Variants in TEAD4 observed in about 807,000 individuals in gnomAD.
TEAD4 encodes TEA domain transcription factor 4.
TEAD4 carries 36 observed loss-of-function variants against 52.4 expected under a neutral mutation model. The ratio of observed to expected loss-of-function variants is 0.69; its 90% CI spans 0.53 to 0.91. TEAD4 has a LOEUF of 0.91. Among genes scored for constraint, TEAD4 ranks in the 40% least tolerant of loss-of-function variants. TEAD4 has a pLI of 0.00. For synonymous variants in TEAD4, 220 were observed against 231.0 expected (o/e 0.95, Z 0.43); for missense variants, 508 against 583.9 (o/e 0.87, Z 1.34).
At chr12:2,974,066 G>T (rs1591556821) in intron 2 of TEAD4, among the ~76,000 whole-genome samples, 1 of 152,246 alleles carries the variant, frequency 6.6e-6, no homozygotes, top group East Asian at 1.9e-4. Flanking sequence ...GGAGTGTAGT[G>T]TCACGATCTT....
At position 2,984,226 on chromosome 12, in the gene TEAD4, A is replaced by G. The variant is rs545633566; in HGVS notation, c.-29-10512A>G. On this transcript the variant is annotated intron_variant, in intron 2 of 12. Transcript: ENST00000359864. ...GGATCAGCAGATGGAAGCGCTAGAAAATCCCATCATGGAGTGTGTAGTGTT... is the reference window on the plus strand; with the variant it reads ...GGATCAGCAGATGGAAGCGCTAGAAGATCCCATCATGGAGTGTGTAGTGTT... 1.1e-4 allele frequency among the ~76,000 whole-genome samples: 17 copies of G among 152,336 alleles called. 1 individual carries two copies. The South Asian group carries it at 3.3e-3, about 30-fold the overall frequency.
rs557297562 is a variant in TEAD4 at position 2,975,163 on chromosome 12, C to A, written c.-30+15123C>A. On this transcript the variant is annotated intron_variant, in intron 2 of 12. Transcript: ENST00000359864. Reference sequence around the variant, plus strand: ...AAGGCCCCGAGGAGAAAAAGTCTCTCAACCCTTAAAACAAACAAACAAAAA... The same window carrying A: ...AAGGCCCCGAGGAGAAAAAGTCTCTAAACCCTTAAAACAAACAAACAAAAA... Among the ~76,000 whole-genome samples the A allele has an allele frequency of 4.8e-4, 53 of 109,496 alleles. 2 individuals carry two copies. In the South Asian group the frequency reaches 0.017, roughly 36 times the overall value. The allele number at this position is 109,496 out of a possible 152,430, so 71.8% of individuals were successfully genotyped here.
chr12:3,008,650 A>T (rs2098257776), intron 3 of TEAD4, among the ~76,000 whole-genome samples: 1 of 152,090 alleles, frequency 6.6e-6, no homozygotes, highest in Non-Finnish European at 1.5e-5. Flanking sequence ...TGGCTGTATG[A>T]ATTCTGGATA....
At chr12:3,033,729 A>G (rs563710469) in intron 10 of TEAD4, among the ~76,000 whole-genome samples, 1 of 152,178 alleles carries the variant, frequency 6.6e-6, no homozygotes, top group Non-Finnish European at 1.5e-5. Flanking sequence ...ACGCACAGCT[A>G]TGAATAGGGC....
chr12:2,971,062 C>T (rs2098224571), intron 2 of TEAD4, among the ~76,000 whole-genome samples: 1 of 152,258 alleles, frequency 6.6e-6, no homozygotes, highest in South Asian at 2.1e-4. Flanking sequence ...ACAGCAGCCA[C>T]AGCACCCACG....
At chr12:3,000,682 G>A (rs2153955839) in intron 3 of TEAD4, among the ~76,000 whole-genome samples, 1 of 152,284 alleles carries the variant, frequency 6.6e-6, no homozygotes, top group South Asian at 2.1e-4. Context: ...AGGGGGTGGA[G>A]AGATTGTGAG....
rs781323637 is a variant in TEAD4, at chr12:3,021,874, C to T, written c.754C>T (p.Gln252Ter). 2 of 1,614,110 alleles carry T rather than the reference C, an allele frequency of 1.2e-6. No individual in the cohort carries two copies. Among genetic ancestry groups the T allele is most frequent in the Non-Finnish European group, 8.5e-7 (1 of 1,180,046 alleles). The stretch of plus-strand genomic sequence containing the variant: ...CAAGCACCTGTTCGTGCACATTGGC[C>T]AGTCCAGCCCAAGCTACAGCGACCC... The change falls in exon 10 of 13, where the codon CAG becomes TAG. Residue 252 changes from glutamine (Q) to a stop codon, truncating the protein, a stop_gained. Coordinates refer to ENST00000359864, the MANE Select transcript of TEAD4 (RefSeq NM_003213.4). LOFTEE classifies it high-confidence loss of function.
At chr12:3,011,252 C>G (rs553508126) in intron 4 of TEAD4, among the ~76,000 whole-genome samples, 184 bp downstream of exon 4, 2 of 151,772 alleles carry the variant, frequency 1.3e-5, no homozygotes, top group Non-Finnish European at 2.9e-5. Flanking sequence ...TTTTCTGAGA[C>G]GGGGTTTCAC....
At chr12:3,006,772 TC>T (rs1446373773) in intron 3 of TEAD4, among the ~76,000 whole-genome samples, 2 of 152,100 alleles carry the variant, frequency 1.3e-5, no homozygotes, top group Non-Finnish European at 2.9e-5. Flanking sequence ...ATGCCTGTAA[TC>T]CCAGCACTTT....
chr12:3,019,025 G>A, intron 7 of TEAD4, 90 bp from the exon 8 acceptor site: 2 of 1,504,022 alleles, frequency 1.3e-6, no homozygotes, highest in Non-Finnish European at 1.8e-6. Flanking sequence ...AGACCACCAG[G>A]ACCTACCACA....
chr12:2,971,940 A>C (rs766654107), intron 2 of TEAD4, among the ~76,000 whole-genome samples: 2 of 142,428 alleles, frequency 1.4e-5, no homozygotes, highest in East Asian at 2.1e-4. Flanking sequence ...AGCCTCCCAA[A>C]TAGTTGAGAT....
chr12:2,964,724 G>A (rs972588792), intron 2 of TEAD4, among the ~76,000 whole-genome samples: 1 of 151,338 alleles, frequency 6.6e-6, no homozygotes, highest in Admixed American at 6.6e-5. Flanking sequence ...CACCCGCCTC[G>A]GCCTCCCAGA....
At chr12:2,960,805 G>T (rs2098214640) in intron 2 of TEAD4, among the ~76,000 whole-genome samples, 1 of 152,184 alleles carries the variant, frequency 6.6e-6, no homozygotes, top group African/African-American at 2.4e-5. Flanking sequence ...GTTGGTTCTG[G>T]CTAGGACTGT....
intron 8 of TEAD4, among the ~76,000 whole-genome samples, chr12:3,020,355 G>T (rs543113972): frequency 6.7e-6 from 1 of 149,376 alleles, no homozygotes; most frequent in East Asian, 2.0e-4. Context: ...CAGGGCCCCA[G>T]CTGCCCTCCA....
intron 2 of TEAD4, among the ~76,000 whole-genome samples, chr12:2,989,051 A>C (rs891121887): frequency 6.6e-6 from 1 of 152,074 alleles, no homozygotes; most frequent in East Asian, 1.9e-4. Flanking sequence ...GGTTCTAGGA[A>C]CCCCACCTAT....
At chr12:3,031,716 C>T (rs1463867156) in intron 10 of TEAD4, among the ~76,000 whole-genome samples, 2 of 151,792 alleles carry the variant, frequency 1.3e-5, no homozygotes, top group African/African-American at 4.9e-5. Context: ...TCACCACAGC[C>T]AAGACTGGAT....
intron 2 of TEAD4, among the ~76,000 whole-genome samples, chr12:2,976,358 C>CAT: frequency 1.7e-4 from 1 of 5,872 alleles, no homozygotes; most frequent in Middle Eastern, 0.1. Flanking sequence ...CACCCTGCCC[C>CAT]CTCCCAACCT....
intron 2 of TEAD4, among the ~76,000 whole-genome samples, chr12:2,992,543 G>A (rs909243724): frequency 5.9e-5 from 9 of 152,166 alleles, no homozygotes; most frequent in Admixed American, 1.3e-4. Context: ...GGTATGGAGG[G>A]CAATGATAAG....
chr12:3,026,800 G>A (rs535729356), intron 10 of TEAD4, among the ~76,000 whole-genome samples: 222 of 152,302 alleles, frequency 1.5e-3, no homozygotes, highest in Middle Eastern at 3.4e-3. Context: ...GGGTGAATTA[G>A]ATGAGTGGAA....
Sources: allele counts gnomAD v4.1 joint callset (sites outside exome capture counted in the v4.1 genomes callset), GRCh38; gene constraint gnomAD v4.1.1; transcripts MANE v1.5; gene names NCBI Gene and HGNC (gene_info 2026-07-23, HGNC 2026-07-21).